Variants in ATAD2 observed in about 807,000 individuals in gnomAD.
The protein encoded by ATAD2 is ATPase family AAA domain-containing protein 2.
In ATAD2, 62 loss-of-function variants were observed where a neutral mutation model predicts 168.9. The observed-to-expected ratio is 0.37, with a 90% CI of 0.30 to 0.45. The LOEUF is 0.45. Ranked by LOEUF, ATAD2 falls within the 20% of genes least tolerant of loss-of-function variation. The probability of loss-of-function intolerance (pLI) is 1.00; values close to 1 mark genes in which losing one functional copy is unlikely to be tolerated. For missense variants in ATAD2, 1,419 were observed against 1,667.8 expected (o/e 0.85, Z 2.60); for synonymous variants, 613 against 571.6 (o/e 1.07, Z -1.03).
chr8:123,384,570 C>T (rs143730138), intron 1 of ATAD2, among the ~76,000 whole-genome samples: 19 of 152,276 alleles, frequency 1.2e-4, no homozygotes, highest in African/African-American at 4.6e-4. Context: ...GCAGTGCCTC[C>T]CCAACCCAGA....
At chr8:123,355,393 C>A (rs1828610084) in intron 13 of ATAD2, among the ~76,000 whole-genome samples, 2 of 152,106 alleles carry the variant, frequency 1.3e-5, no homozygotes, top group Non-Finnish European at 2.9e-5. Flanking sequence ...ATTCATGAAA[C>A]CATTTAAAAA....
intron 24 of ATAD2, among the ~76,000 whole-genome samples, chr8:123,332,458 A>T (rs1048172881): frequency 6.6e-6 from 1 of 152,200 alleles, no homozygotes; most frequent in Non-Finnish European, 1.5e-5. Flanking sequence ...CTGATTTATG[A>T]CACCATGGAT....
At chr8:123,376,109 T>TA (rs1052581568) in intron 2 of ATAD2, among the ~76,000 whole-genome samples, 19 of 92,594 alleles carry the variant, frequency 2.1e-4, no homozygotes, top group Admixed American at 3.2e-4. Flanking sequence ...CGTCTCAAAA[T>TA]AAAAAAAAAA....
intron 1 of ATAD2, among the ~76,000 whole-genome samples, chr8:123,381,652 A>G (rs952148105): frequency 1.3e-5 from 2 of 152,234 alleles, no homozygotes; most frequent in African/African-American, 4.8e-5. Flanking sequence ...TCTGTCATAA[A>G]GTATTCCAAA....
rs72722097 is a variant in ATAD2 at position 123,357,322 on chromosome 8, T to C, written c.1557+240A>G. 7.5e-3 allele frequency among the ~76,000 whole-genome samples: 1,143 copies of C among 152,346 alleles called. 4 individuals are homozygous for C. Among genetic ancestry groups the C allele is most frequent in the Middle Eastern group, 0.027 (8 of 294 alleles). ...ATGAGATTACCACTCTCTTCCTATA[T>C]GCATGAGACCTAAGACTCCAAACAA... On this transcript the variant is annotated intron_variant, in intron 12 of 27. Transcript: ENST00000287394.
chr8:123,359,438 G>T (rs1322193212), intron 10 of ATAD2, 102 bp from the exon 11 acceptor site: 3 of 1,209,704 alleles, frequency 2.5e-6, no homozygotes, highest in South Asian at 2.7e-5. Context: ...TCTTAATTGT[G>T]ACCTGAAGAT....
At chr8:123,323,121 A>G (rs1827519733) in intron 26 of ATAD2, 55 bp from the exon 27 acceptor site, 2 of 1,530,034 alleles carry the variant, frequency 1.3e-6, no homozygotes, top group African/African-American at 1.4e-5. Flanking sequence ...CTCAGACAAG[A>G]TACTTAATTT....
intron 20 of ATAD2, among the ~76,000 whole-genome samples, chr8:123,338,841 T>G (rs139189722): frequency 6.6e-5 from 10 of 152,072 alleles, no homozygotes; most frequent in Admixed American, 2.0e-4. Flanking sequence ...GAGGCTGCAG[T>G]TGAGCCTCGA....
intron 8 of ATAD2, 106 bp downstream of exon 8, chr8:123,368,952 A>G: frequency 2.0e-6 from 1 of 508,784 alleles, no homozygotes; most frequent in Admixed American, 3.1e-5. Context: ...CAAATACACA[A>G]TTCTAGAATT....
intron 27 of ATAD2, 23 bp downstream of exon 27, chr8:123,322,915 A>T (rs1326717584): frequency 5.0e-6 from 8 of 1,606,902 alleles, no homozygotes; most frequent in Non-Finnish European, 6.8e-6. Flanking sequence ...GCATTTGTAA[A>T]AAGTTTCCAC....
At chr8:123,362,707 G>A (rs1011410988) in intron 8 of ATAD2, among the ~76,000 whole-genome samples, 5 of 151,878 alleles carry the variant, frequency 3.3e-5, no homozygotes, top group Admixed American at 1.3e-4. Flanking sequence ...GAGTCATCAC[G>A]CCCGGCCAAA....
chr8:123,344,599 G>A lies in ATAD2; in HGVS notation c.2718+285C>T, dbSNP rs112768405. ...CCTGACCTCATGATCCACCCACCTC[G>A]GCCTCCCAAAGTGCTGGGATTACAG... On this transcript the variant is annotated intron_variant, in intron 19 of 27. Coordinates refer to ENST00000287394, the MANE Select transcript of ATAD2 (RefSeq NM_014109.4). 174 of 319,474 alleles carry A rather than the reference G, an allele frequency of 5.4e-4. 1 individual carries two copies. The highest frequency in any genetic ancestry group is 3.4e-3 in the African/African-American group (157 of 45,998). The allele number at this position is 319,474 out of a possible 1,614,324, so 19.8% of individuals were successfully genotyped here. A position where few individuals can be genotyped will look rare whatever the true frequency, so the allele number is the denominator to read the frequency against.
chr8:123,382,841 T>C lies in ATAD2; in HGVS notation c.172-2164A>G, dbSNP rs374290106. ...ACCATTTGACCCAGCAATCCCATTA[T>C]TGTGTATATACCCAAGGGATTATAA... On this transcript the variant is annotated intron_variant, in intron 1 of 27. Coordinates refer to ENST00000287394, the MANE Select transcript of ATAD2 (RefSeq NM_014109.4). 8.5e-5 allele frequency among the ~76,000 whole-genome samples: 13 copies of C among 152,300 alleles called. No homozygotes were observed. The East Asian group carries it at 1.2e-3, about 14-fold the overall frequency.
At chr8:123,365,554 C>T (rs1828950498) in intron 8 of ATAD2, among the ~76,000 whole-genome samples, 2 of 152,174 alleles carry the variant, frequency 1.3e-5, no homozygotes, top group Non-Finnish European at 2.9e-5. Context: ...GTCACCAAAA[C>T]AGCACAGTAC....
chr8:123,357,021 T>G (rs1359482196), intron 12 of ATAD2, among the ~76,000 whole-genome samples: 2 of 152,210 alleles, frequency 1.3e-5, no homozygotes, highest in Non-Finnish European at 2.9e-5. Context: ...GACAGTGACA[T>G]AGTCTTCCTC....
At chr8:123,325,076 A>G (rs1469503450) in intron 26 of ATAD2, among the ~76,000 whole-genome samples, 1 of 147,504 alleles carries the variant, frequency 6.8e-6, no homozygotes, top group Non-Finnish European at 1.5e-5. Flanking sequence ...TCTATTTTAT[A>G]TTAAAAAATA....
In ATAD2 at chr8:123,346,087, TG is replaced by T; in HGVS notation, c.2530del (p.Gln844ArgfsTer2). 6.6e-7 allele frequency: 1 copy of T among 1,513,938 alleles called. No homozygotes were observed. The highest frequency in any genetic ancestry group is 1.3e-5 in the South Asian group (1 of 75,058). The allele number at this position is 1,513,938 out of a possible 1,614,324, so 93.8% of individuals were successfully genotyped here. A position where few individuals can be genotyped will look rare whatever the true frequency, so the allele number is the denominator to read the frequency against. On this transcript the variant is annotated frameshift_variant and splice_region_variant, in exon 18 of 28. Coordinates refer to ENST00000287394, the MANE Select transcript of ATAD2 (RefSeq NM_014109.4). LOFTEE classifies it high-confidence loss of function. ...TATACTTGGGCACCAACAAATTACCTGGGCACATGTTTCTTCAGGGGATGTA... is the reference window on the plus strand; with the variant it reads ...TATACTTGGGCACCAACAAATTACCTGGCACATGTTTCTTCAGGGGATGTA... Reference protein sequence around the residue: ...STTSPEETCAQVIREAKRTAP... With the variant: ...STTSPEETCAXVIREAKRTAP...
intron 5 of ATAD2, 97 bp downstream of exon 5, chr8:123,371,139 G>A: frequency 8.9e-7 from 1 of 1,128,206 alleles, no homozygotes; most frequent in East Asian, 2.7e-5. Context: ...TCAAATAAAT[G>A]CTGGAAAAAG....
intron 24 of ATAD2, among the ~76,000 whole-genome samples, chr8:123,331,471 C>T (rs1396940522): frequency 6.6e-6 from 1 of 151,726 alleles, no homozygotes; most frequent in East Asian, 1.9e-4. Context: ...AACTCTTGAT[C>T]TCAAGTGATC....
Sources: allele counts gnomAD v4.1 joint callset (sites outside exome capture counted in the v4.1 genomes callset), GRCh38; gene constraint gnomAD v4.1.1; transcripts MANE v1.5; gene names NCBI Gene and HGNC (gene_info 2026-07-23, HGNC 2026-07-21).